Variants in NME7 observed in about 807,000 individuals in gnomAD.
The protein encoded by NME7 is NME/NM23 family member 7, also known as nucleoside diphosphate kinase 7.
Under a neutral mutation model 49.1 loss-of-function variants are expected in NME7, and 41 were observed. The observed-to-expected ratio is 0.83, with a 90% CI of 0.65 to 1.08. NME7 has a LOEUF of 1.08. Ranked by LOEUF, NME7 falls within the 50% of genes least tolerant of loss-of-function variation. NME7 has a pLI of 0.00. For synonymous variants in NME7, 139 were observed against 150.6 expected, an observed-to-expected ratio of 0.92 and a Z score of 0.56; for missense variants, 423 against 463.4, an observed-to-expected ratio of 0.91 and a Z score of 0.80.
intron 7 of NME7, among the ~76,000 whole-genome samples, chr1:169,244,910 C>T (rs1032381527): frequency 3.3e-5 from 5 of 152,140 alleles, no homozygotes; most frequent in African/African-American, 1.2e-4. Context: ...GGGTGGATCA[C>T]TTGAGGTCCT....
At chr1:169,363,199 A>G (rs1236297097) in intron 1 of NME7, among the ~76,000 whole-genome samples, 1 of 152,160 alleles carries the variant, frequency 6.6e-6, no homozygotes, top group Non-Finnish European at 1.5e-5. Flanking sequence ...TGATCTCACC[A>G]CTACATTCCT....
chr1:169,313,439 A>C (rs779085938), intron 3 of NME7, among the ~76,000 whole-genome samples: 2 of 152,176 alleles, frequency 1.3e-5, no homozygotes, highest in Non-Finnish European at 2.9e-5. Context: ...ACAAGTTCAC[A>C]TCATCTAAGC....
intron 10 of NME7, among the ~76,000 whole-genome samples, chr1:169,224,706 T>G (rs1571304966): frequency 6.6e-6 from 1 of 152,132 alleles, no homozygotes; most frequent in South Asian, 2.1e-4. Flanking sequence ...AGTACATGAC[T>G]CTAGATGTAT....
At chr1:169,235,405 C>T (rs1314393373) in intron 8 of NME7, among the ~76,000 whole-genome samples, 15 of 152,112 alleles carry the variant, frequency 9.9e-5, no homozygotes, top group African/African-American at 2.6e-4. Context: ...AGGTTCTATA[C>T]GTGCATCATC....
At chr1:169,334,140 T>C (rs1652369836) in intron 1 of NME7, among the ~76,000 whole-genome samples, 1 of 143,334 alleles carries the variant, frequency 7.0e-6, no homozygotes, top group Admixed American at 7.2e-5. Context: ...GATTTGCATG[T>C]TGAAGGGTCA....
intron 11 of NME7, among the ~76,000 whole-genome samples, chr1:169,151,981 A>T (rs965868623): frequency 1.3e-5 from 2 of 152,164 alleles, no homozygotes; most frequent in Non-Finnish European, 2.9e-5. Flanking sequence ...TAAAGCCCAT[A>T]ATCAGTTGAA....
At chr1:169,171,244 T>C (rs2101846309) in intron 10 of NME7, among the ~76,000 whole-genome samples, 1 of 152,072 alleles carries the variant, frequency 6.6e-6, no homozygotes, top group South Asian at 2.1e-4. Context: ...GGTGCACGCC[T>C]GTAGTCCCAG....
chr1:169,201,037 C>T lies in NME7; in HGVS notation c.990+29681G>A, dbSNP rs146654283. 4.7e-3 allele frequency among the ~76,000 whole-genome samples: 708 copies of T among 152,112 alleles called. 6 individuals are homozygous for T. The highest frequency in any genetic ancestry group is 7.6e-3 in the Admixed American group (116 of 15,272). On this transcript the variant is annotated intron_variant, in intron 10 of 11. Coordinates refer to ENST00000367811, the MANE Select transcript of NME7 (RefSeq NM_013330.5). ...CTTGAACTCAGGAGTTTGAGACCAG[C>T]CTGGGCAACATAGAGAGACCCTATC... is the stretch of plus-strand genomic sequence containing the variant.
intron 5 of NME7, among the ~76,000 whole-genome samples, chr1:169,300,792 C>T (rs374858161): frequency 2.0e-5 from 3 of 152,032 alleles, no homozygotes; most frequent in African/African-American, 7.2e-5. Flanking sequence ...ACATCTACAG[C>T]CATCTGAACT....
intron 1 of NME7, among the ~76,000 whole-genome samples, chr1:169,344,145 G>T (rs1436929238): frequency 6.6e-6 from 1 of 152,080 alleles, no homozygotes; most frequent in Non-Finnish European, 1.5e-5. Context: ...TATTCTTTTG[G>T]TGTCATTGTA....
Position 169,323,250 on chromosome 1 carries a change from G to C in NME7, c.145C>G (p.Arg49Gly), listed in dbSNP as rs369065175. 37 of 1,599,282 alleles carry C rather than the reference G, an allele frequency of 2.3e-5. No homozygotes were observed. The highest frequency in any genetic ancestry group is 3.2e-5 in the Non-Finnish European group (37 of 1,173,680). Reference protein sequence around the residue: ...DVKNHRTFLKRTKYDNLHLED... With the variant: ...DVKNHRTFLKGTKYDNLHLED... ...AAGTGCAGGTTATCATATTTGGTCCGCTTTAAAAAGGTGCGATGATTCTTT... is the reference window on the plus strand; with the variant it reads ...AAGTGCAGGTTATCATATTTGGTCCCCTTTAAAAAGGTGCGATGATTCTTT... Residue 49 changes from arginine (R) to glycine (G), a missense_variant, in exon 3 of 12, where the codon CGG (arginine) becomes GGG (glycine). Physicochemically the swap from Arg to Gly is moderately radical, Grantham distance 125. Transcript: ENST00000367811.
At chr1:169,178,833 T>G (rs1160057946) in intron 10 of NME7, among the ~76,000 whole-genome samples, 5 of 149,796 alleles carry the variant, frequency 3.3e-5, no homozygotes, top group Non-Finnish European at 7.4e-5. Flanking sequence ...TTTTTTTTTT[T>G]TTTTTGAGAC....
chr1:169,277,814 GC>G (rs1359142987), intron 7 of NME7, among the ~76,000 whole-genome samples: 1 of 132,414 alleles, frequency 7.6e-6, no homozygotes, highest in Non-Finnish European at 1.6e-5. Flanking sequence ...TGATTTTGCA[GC>G]GGCTGGTACC....
chr1:169,225,848 T>A (rs1647313221), intron 10 of NME7, among the ~76,000 whole-genome samples: 1 of 152,214 alleles, frequency 6.6e-6, no homozygotes, highest in Admixed American at 6.5e-5. Flanking sequence ...GATGAAATCA[T>A]GTCAATCTGC....
intron 10 of NME7, among the ~76,000 whole-genome samples, chr1:169,219,553 C>T (rs1007061220): frequency 2.1e-5 from 3 of 140,572 alleles, no homozygotes; most frequent in Non-Finnish European, 3.2e-5. Context: ...ACTAAGATAA[C>T]CTTTATCATA....
intron 3 of NME7, among the ~76,000 whole-genome samples, chr1:169,316,776 C>G (rs1179130595): frequency 6.6e-6 from 1 of 152,114 alleles, no homozygotes; most frequent in African/African-American, 2.4e-5. Flanking sequence ...TGATTCTTTC[C>G]TAGAGCCTCA....
intron 10 of NME7, among the ~76,000 whole-genome samples, chr1:169,192,275 A>T (rs1660252667): frequency 6.6e-6 from 1 of 152,204 alleles, no homozygotes; most frequent in Non-Finnish European, 1.5e-5. Context: ...AAGACAGTAT[A>T]GCTGGCCCTC....
At chr1:169,249,172 T>G (rs1171730157) in intron 7 of NME7, among the ~76,000 whole-genome samples, 1 of 152,168 alleles carries the variant, frequency 6.6e-6, no homozygotes, top group Admixed American at 6.6e-5. Context: ...AGCAGTGTTT[T>G]GTAGTTCTCC....
At chr1:169,211,002 T>TA (rs397729143) in intron 10 of NME7, among the ~76,000 whole-genome samples, 4 of 149,514 alleles carry the variant, frequency 2.7e-5, no homozygotes, top group East Asian at 3.9e-4. Flanking sequence ...TTTTTTTTTT[T>TA]AATTTTTCTT....
Sources: allele counts gnomAD v4.1 joint callset (sites outside exome capture counted in the v4.1 genomes callset), GRCh38; gene constraint gnomAD v4.1.1; transcripts MANE v1.5; gene names NCBI Gene and HGNC (gene_info 2026-07-23, HGNC 2026-07-21).